The following COMMD8 variants were observed in gnomAD, a reference collection of about 807,000 sequenced individuals.
COMMD8 encodes COMM domain containing 8.
In COMMD8, 28 loss-of-function variants were observed where a neutral mutation model predicts 27.2. The ratio of observed to expected loss-of-function variants is 1.03; its 90% CI spans 0.76 to 1.41. The LOEUF is 1.41. Ranked by LOEUF, COMMD8 falls within the 40% of genes most tolerant of loss-of-function variation. COMMD8 has a pLI of 0.00. For missense variants in COMMD8, 217 were observed against 211.2 expected, an observed-to-expected ratio of 1.03 and a Z score of -0.17; for synonymous variants, 79 against 75.5, an observed-to-expected ratio of 1.05 and a Z score of -0.24.
intron 2 of COMMD8, among the ~76,000 whole-genome samples, chr4:47,459,415 T>C (rs902403562): frequency 6.6e-6 from 1 of 152,090 alleles, no homozygotes; most frequent in Non-Finnish European, 1.5e-5. Flanking sequence ...CACTTCAAGA[T>C]ATCTACCCCA....
Position 47,463,535 on chromosome 4 carries a change from G to C in COMMD8, c.66+51C>G, listed in dbSNP as rs768175476. On this transcript the variant is annotated intron_variant, in intron 1 of 4. Coordinates refer to ENST00000381571, the MANE Select transcript of COMMD8 (RefSeq NM_017845.5). ...GCACCCGGCCTGATCCGCACGCCGG[G>C]CTGTCGCGAATCCCAGGCCCCGCGC... is the stretch of plus-strand genomic sequence containing the variant. The C allele has an allele frequency of 5.6e-5, 84 of 1,506,204 alleles. 1 individual carries two copies. Among genetic ancestry groups the C allele is most frequent in the African/African-American group, 6.9e-5 (5 of 72,092 alleles). The allele number at this position is 1,506,204 out of a possible 1,614,324, so 93.3% of individuals were successfully genotyped here.
chr4:47,455,307 T>C (rs959517761), intron 3 of COMMD8, among the ~76,000 whole-genome samples: 7 of 152,132 alleles, frequency 4.6e-5, no homozygotes, highest in Admixed American at 2.0e-4. Flanking sequence ...TGAGCCACCG[T>C]GCCTGGTCTC....
intron 2 of COMMD8, chr4:47,459,919 T>C: frequency 2.6e-6 from 1 of 386,442 alleles, no homozygotes; most frequent in Non-Finnish European, 4.5e-6. Flanking sequence ...GTCAGTTATA[T>C]AATTTCTTGT....
rs981306213 is a variant in COMMD8, at chr4:47,463,628, G to C, written c.24C>G (p.Pro8=). 1.9e-6 allele frequency: 3 copies of C among 1,549,060 alleles called. No homozygotes were observed. Among genetic ancestry groups the C allele is most frequent in the Non-Finnish European group, 2.6e-6 (3 of 1,146,366 alleles). MEPEEGT[P]LWRLQKLPAE... ...CCGGCAGCTTCTGCAGCCGCCACAA[G>C]GGCGTCCCCTCTTCCGGCTCCATCC... Residue 8 remains proline, a synonymous_variant, in exon 1 of 5, where the codon CCC becomes CCG. Transcript: ENST00000381571.
chr4:47,453,248 T>A, intron 3 of COMMD8, 34 bp from the exon 4 acceptor site: 1 of 1,580,902 alleles, frequency 6.3e-7, no homozygotes, highest in Non-Finnish European at 8.7e-7. Context: ...AATTAATAAA[T>A]AGTAAAAAGA....
chr4:47,451,479 T>C lies in COMMD8; in HGVS notation c.*166A>G. The C allele has an allele frequency of 3.5e-6, 2 of 571,384 alleles. No homozygotes were observed. The highest frequency in any genetic ancestry group is 4.3e-5 in the South Asian group (2 of 46,106). 35.4% of individuals were successfully genotyped at this position (571,384 alleles called of 1,614,324 possible). A position where few individuals can be genotyped will look rare whatever the true frequency, so the allele number is the denominator to read the frequency against. Reference sequence around the variant, plus strand: ...ATTTCCTCTCAACCATGTAATTTCCTGTTAAGGAATGTTGATAAATTTTTA... The same window carrying C: ...ATTTCCTCTCAACCATGTAATTTCCCGTTAAGGAATGTTGATAAATTTTTA... On this transcript the variant is annotated 3_prime_UTR_variant, in exon 5 of 5. Transcript: ENST00000381571.
In COMMD8 at chr4:47,457,447, A is replaced by T. The variant is rs1729923902; in HGVS notation, c.223-718T>A. On this transcript the variant is annotated intron_variant, in intron 2 of 4. Coordinates refer to ENST00000381571, the MANE Select transcript of COMMD8 (RefSeq NM_017845.5). ...TAGCTGACACAAAGAAACGAAAAAA[A>T]ATCAATGAGGATATAGAAGAATTGA... Among the ~76,000 whole-genome samples the T allele has an allele frequency of 2.0e-5, 3 of 152,330 alleles. No homozygotes were observed. In the South Asian group the frequency reaches 6.2e-4, roughly 32 times the overall value.
Position 47,451,405 on chromosome 4 carries a change from C to A in COMMD8, c.*240G>T, listed in dbSNP as rs921200590. On this transcript the variant is annotated 3_prime_UTR_variant, in exon 5 of 5. Transcript: ENST00000381571. ...TATTTAATAAATGAGGCAAAACAATCATGAAAATATAAACTGCTACTATAG... is the reference window on the plus strand; with the variant it reads ...TATTTAATAAATGAGGCAAAACAATAATGAAAATATAAACTGCTACTATAG... 4 of 409,244 alleles carry A rather than the reference C, an allele frequency of 9.8e-6. 1 individual carries two copies. The highest frequency in any genetic ancestry group is 9.2e-5 in the Admixed American group (2 of 21,830). The allele number at this position is 409,244 out of a possible 1,614,324, so 25.4% of individuals were successfully genotyped here. A position where few individuals can be genotyped will look rare whatever the true frequency, so the allele number is the denominator to read the frequency against.
rs1270574564 is a variant in COMMD8, at chr4:47,463,590, G to A, written c.62C>T (p.Pro21Leu). Residue 21 changes from proline to leucine, a missense_variant, in exon 1 of 5, where the codon CCG becomes CTG. Pro to Leu is a moderately conservative substitution (Grantham distance 98). Transcript: ENST00000381571. ...TCCCCCGGTACCCGCCCTCACCTGC[G>A]GGCCCAGCTCGGCCGGCAGCTTCTG... is the stretch of plus-strand genomic sequence containing the variant. Reference protein sequence around the residue: ...RLQKLPAELGPQLLHKIIDGI... With the variant: ...RLQKLPAELGLQLLHKIIDGI... 1.9e-6 allele frequency: 3 copies of A among 1,545,346 alleles called. No homozygotes were observed. Among genetic ancestry groups the A allele is most frequent in the Admixed American group, 2.0e-5 (1 of 50,882 alleles).
At chr4:47,457,343 T>C (rs116472233) in intron 2 of COMMD8, among the ~76,000 whole-genome samples, 1,942 of 152,008 alleles carry the variant, frequency 0.013, 33 homozygotes, top group African/African-American at 0.044. Context: ...TCAAAATATA[T>C]AAAGCAGCAA....
At position 47,453,060 on chromosome 4, in the gene COMMD8, T is replaced by C. The variant is rs1194812726; in HGVS notation, c.530A>G (p.Lys177Arg). Reference sequence around the variant, plus strand: ...ATATGACAAAATTATAGCAAATACCTTATTCGCTGCTTCCAAGGACTGTAT... The same window carrying C: ...ATATGACAAAATTATAGCAAATACCCTATTCGCTGCTTCCAAGGACTGTAT... ...NLIQSLEAANKVVLQLK is the reference protein window; with the variant it reads ...NLIQSLEAANRVVLQLK The change falls in exon 4 of 5, where the codon AAG (lysine) becomes AGG (arginine). Residue 177 changes from lysine (K) to arginine (R), a missense_variant and splice_region_variant. Lys to Arg is a conservative substitution (Grantham distance 26). Coordinates refer to ENST00000381571, the MANE Select transcript of COMMD8 (RefSeq NM_017845.5). 1.3e-6 allele frequency: 2 copies of C among 1,597,934 alleles called. No homozygotes were observed. The highest frequency in any genetic ancestry group is 1.8e-5 in the Admixed American group (1 of 56,278).
intron 1 of COMMD8, among the ~76,000 whole-genome samples, chr4:47,460,790 A>T (rs1212391870): frequency 6.6e-6 from 1 of 152,106 alleles, no homozygotes; most frequent in Admixed American, 6.5e-5. Flanking sequence ...GCAGACGAGC[A>T]CCACCGCACC....
chr4:47,456,911 A>T (rs1326086475), intron 2 of COMMD8, among the ~76,000 whole-genome samples, 182 bp from the exon 3 acceptor site: 1 of 152,224 alleles, frequency 6.6e-6, no homozygotes, highest in Non-Finnish European at 1.5e-5. Flanking sequence ...TTTCTGCAAA[A>T]TATACAGTAA....
In COMMD8 at chr4:47,456,691, T is replaced by G; in HGVS notation, c.261A>C (p.Gln87His). ...TTTTCACGCATTTCATGATAGTTTC[T>G]TGATGAAGTGAATTCAACTGATTCA... ...QQLNQLNSLH[Q>H]ETIMKCVKSR... The change falls in exon 3 of 5, where the codon CAA becomes CAC. Residue 87 changes from glutamine to histidine, a missense_variant. By Grantham distance (24) the Gln-to-His change is conservative. Transcript: ENST00000381571. 6.2e-7 allele frequency: 1 copy of G among 1,607,458 alleles called. No homozygotes were observed. Among genetic ancestry groups the G allele is most frequent in the Non-Finnish European group, 8.5e-7 (1 of 1,177,696 alleles).
At chr4:47,455,510 G>A (rs1364215796) in intron 3 of COMMD8, among the ~76,000 whole-genome samples, 1 of 152,094 alleles carries the variant, frequency 6.6e-6, no homozygotes, top group African/African-American at 2.4e-5. Context: ...TATAGCTCTA[G>A]TTTTGTATCA....
intron 1 of COMMD8, among the ~76,000 whole-genome samples, chr4:47,462,783 G>T (rs1730093330): frequency 6.6e-6 from 1 of 152,102 alleles, no homozygotes; most frequent in Non-Finnish European, 1.5e-5. Flanking sequence ...GACATTTCAG[G>T]TTCCTCACTT....
chr4:47,459,926 T>C (rs1729980957), intron 2 of COMMD8: 1 of 400,206 alleles, frequency 2.5e-6, no homozygotes, highest in Non-Finnish European at 4.4e-6. Flanking sequence ...ATATAATTTC[T>C]TGTTTTCTTC....
chr4:47,461,396 C>T (rs1730021252), intron 1 of COMMD8, among the ~76,000 whole-genome samples: 1 of 152,122 alleles, frequency 6.6e-6, no homozygotes. Flanking sequence ...AGAACACAAG[C>T]AACTGCTTCC....
At chr4:47,454,805 G>A (rs905457574) in intron 3 of COMMD8, among the ~76,000 whole-genome samples, 4 of 148,378 alleles carry the variant, frequency 2.7e-5, no homozygotes, top group South Asian at 2.2e-4. Flanking sequence ...GTGGGGTTGC[G>A]GTGAGCAGAG....
Sources: allele counts gnomAD v4.1 joint callset (sites outside exome capture counted in the v4.1 genomes callset), GRCh38; gene constraint gnomAD v4.1.1; transcripts MANE v1.5; gene names NCBI Gene and HGNC (gene_info 2026-07-23, HGNC 2026-07-21).